PCDH15: variants seen among roughly 807,000 people sequenced by gnomAD.
PCDH15 encodes protocadherin related 15, also known as protocadherin-15.
In PCDH15, 129 loss-of-function variants were observed where a neutral mutation model predicts 178.5. That is an observed-to-expected ratio of 0.72 (90% CI 0.63 to 0.84). The LOEUF (loss-of-function observed/expected upper bound fraction) is 0.84. Ranked by LOEUF, PCDH15 falls within the 40% of genes least tolerant of loss-of-function variation. The pLI is 0.00. For missense variants in PCDH15, 2,230 were observed against 2,099.9 expected, an observed-to-expected ratio of 1.06 and a Z score of -1.21; for synonymous variants, 800 against 732.0, an observed-to-expected ratio of 1.09 and a Z score of -1.50.
intron 3 of PCDH15, among the ~76,000 whole-genome samples, chr10:54,462,512 C>CTTTTTTTTTTTTTTTTTTTTT (rs562731025): frequency 1.5e-4 from 10 of 66,878 alleles, no homozygotes; most frequent in African/African-American, 3.7e-4. Flanking sequence ...TTTTTCTTTT[C>CTTTTTTTTTTTTTTTTTTTTT]TTTTTTTTTT....
intron 3 of PCDH15, among the ~76,000 whole-genome samples, chr10:54,504,561 G>T (rs1340740374): frequency 6.6e-6 from 1 of 152,024 alleles, no homozygotes; most frequent in Non-Finnish European, 1.5e-5. Context: ...ATTACTTTTG[G>T]TATTAGTGGT....
At chr10:53,810,354 G>A (rs1409682822) in intron 37 of PCDH15, among the ~76,000 whole-genome samples, 1 of 152,044 alleles carries the variant, frequency 6.6e-6, no homozygotes, top group Non-Finnish European at 1.5e-5. Context: ...CTTTTAGAAG[G>A]AAATAAATTA....
intron 5 of PCDH15, among the ~76,000 whole-genome samples, chr10:54,348,975 T>C (rs1325609762): frequency 1.3e-5 from 2 of 152,192 alleles, no homozygotes; most frequent in African/African-American, 4.8e-5. Flanking sequence ...TCCAGGTTTA[T>C]CCATAATTTT....
intron 2 of PCDH15, among the ~76,000 whole-genome samples, chr10:54,987,404 T>G (rs2131912141): frequency 6.6e-6 from 1 of 152,322 alleles, no homozygotes; most frequent in East Asian, 1.9e-4. Flanking sequence ...CTGGGTCAAA[T>G]GGTACTTCTG....
intron 2 of PCDH15, among the ~76,000 whole-genome samples, chr10:55,093,165 G>C (rs1564791859): frequency 6.6e-6 from 1 of 152,018 alleles, no homozygotes; most frequent in East Asian, 1.9e-4. Context: ...ATCCATTATA[G>C]TTTGGGCTGT....
rs778145718 is a variant in PCDH15 at position 54,003,111 on chromosome 10, C to T, written c.2752-7346G>A. On this transcript the variant is annotated intron_variant, in intron 20 of 37. Coordinates refer to ENST00000644397, the MANE Select transcript of PCDH15 (RefSeq NM_001384140.1). ...ATAGGATATACTGAAATTTTTACTA[C>T]GTGGGAAATTTATAGCTATAAGTGC... Among the ~76,000 whole-genome samples, 5 of 152,072 alleles carry T rather than the reference C, an allele frequency of 3.3e-5. No individual in the cohort carries two copies. The East Asian group carries it at 5.8e-4, about 18-fold the overall frequency.
intron 21 of PCDH15, among the ~76,000 whole-genome samples, chr10:53,980,959 A>G (rs1254084712): frequency 6.6e-6 from 1 of 152,164 alleles, no homozygotes; most frequent in Non-Finnish European, 1.5e-5. Flanking sequence ...TATGTAACAA[A>G]TGATATCAGC....
At chr10:54,641,725 TGCTA>T (rs1241256468) in intron 2 of PCDH15, among the ~76,000 whole-genome samples, 1 of 104,280 alleles carries the variant, frequency 9.6e-6, no homozygotes, top group Non-Finnish European at 2.8e-5. Flanking sequence ...TGGACTATAT[TGCTA>T]ACTGTTTATT....
chr10:54,417,212 C>T (rs1015382737), intron 3 of PCDH15, among the ~76,000 whole-genome samples: 10 of 152,024 alleles, frequency 6.6e-5, no homozygotes, highest in African/African-American at 1.4e-4. Flanking sequence ...TAGTGTTATT[C>T]GCCAATGCTG....
intron 3 of PCDH15, among the ~76,000 whole-genome samples, chr10:54,519,959 G>T (rs957416865): frequency 6.6e-6 from 1 of 152,128 alleles, no homozygotes; most frequent in Non-Finnish European, 1.5e-5. Flanking sequence ...ACAAGTAATG[G>T]GGAAAGGATT....
chr10:54,118,040 C>G (rs1434487173), intron 15 of PCDH15, among the ~76,000 whole-genome samples: 1 of 152,142 alleles, frequency 6.6e-6, no homozygotes, highest in Non-Finnish European at 1.5e-5. Context: ...CTAGAAAATA[C>G]TATTCCAAAC....
chr10:53,843,339 TC>T (rs2132813395), intron 28 of PCDH15, among the ~76,000 whole-genome samples: 1 of 152,178 alleles, frequency 6.6e-6, no homozygotes, highest in African/African-American at 2.4e-5. Flanking sequence ...ATCATCTATA[TC>T]TATATACTAA....
chr10:54,551,148 C>A (rs1386339312), intron 2 of PCDH15, among the ~76,000 whole-genome samples: 3 of 83,752 alleles, frequency 3.6e-5, no homozygotes, highest in Non-Finnish European at 4.3e-5. Context: ...GGCTGAGACT[C>A]TGTCTCAAAA....
chr10:54,486,980 T>C (rs922635786), intron 3 of PCDH15, among the ~76,000 whole-genome samples: 1 of 152,044 alleles, frequency 6.6e-6, no homozygotes, highest in Non-Finnish European at 1.5e-5. Flanking sequence ...GCTGCAGTAC[T>C]AGCTGCTGGT....
chr10:53,927,755 C>CA (rs2084693561), intron 25 of PCDH15, among the ~76,000 whole-genome samples: 3 of 152,090 alleles, frequency 2.0e-5, no homozygotes, highest in Non-Finnish European at 4.4e-5. Flanking sequence ...GGATCTATCT[C>CA]ACATTTTTAT....
chr10:54,058,883 A>C (rs1318146113), intron 18 of PCDH15, among the ~76,000 whole-genome samples: 1 of 151,960 alleles, frequency 6.6e-6, no homozygotes, highest in Non-Finnish European at 1.5e-5. Context: ...CAGTAGAGAC[A>C]GGATTTCTCC....
chr10:54,373,561 T>C (rs955819545), intron 4 of PCDH15, among the ~76,000 whole-genome samples: 1 of 152,006 alleles, frequency 6.6e-6, no homozygotes, highest in African/African-American at 2.4e-5. Context: ...ATGTGACATG[T>C]AGATACATCT....
intron 18 of PCDH15, among the ~76,000 whole-genome samples, chr10:54,025,046 T>C (rs375167129): frequency 6.6e-6 from 1 of 152,206 alleles, no homozygotes; most frequent in Admixed American, 6.5e-5. Context: ...GAAATTTAAA[T>C]GACTCTTGTT....
intron 3 of PCDH15, among the ~76,000 whole-genome samples, chr10:54,443,504 T>A (rs978613039): frequency 6.6e-6 from 1 of 151,424 alleles, no homozygotes; most frequent in African/African-American, 2.4e-5. Flanking sequence ...CAAAAAAAAA[T>A]CTGTATAAAA....
Sources: allele counts gnomAD v4.1 joint callset (sites outside exome capture counted in the v4.1 genomes callset), GRCh38; gene constraint gnomAD v4.1.1; transcripts MANE v1.5; gene names NCBI Gene and HGNC (gene_info 2026-07-23, HGNC 2026-07-21).